RIMS2: variants seen among roughly 807,000 people sequenced by gnomAD.
RIMS2 encodes the protein regulating synaptic membrane exocytosis 2, also known as regulating synaptic membrane exocytosis protein 2.
A neutral mutation model predicts 174.4 loss-of-function variants in RIMS2; 59 were observed. The observed-to-expected ratio is 0.34, with a 90% CI of 0.27 to 0.42. The LOEUF is 0.42. Ranked by LOEUF, RIMS2 falls within the 10% of genes least tolerant of loss-of-function variation. The pLI is 1.00. For missense variants in RIMS2, 1,620 were observed against 1,666.3 expected (o/e 0.97, Z 0.48); for synonymous variants, 606 against 572.5 (o/e 1.06, Z -0.84).
chr8:103,839,204 A>G (rs1273955715), intron 3 of RIMS2, among the ~76,000 whole-genome samples: 1 of 152,202 alleles, frequency 6.6e-6, no homozygotes, highest in Non-Finnish European at 1.5e-5. Flanking sequence ...GGTCATCTGT[A>G]GGACTGTTTC....
intron 3 of RIMS2, among the ~76,000 whole-genome samples, chr8:103,781,740 T>A (rs1193069563): frequency 5.1e-5 from 1 of 19,654 alleles, no homozygotes; most frequent in Non-Finnish European, 1.0e-4. Context: ...CCCCTAATCT[T>A]TTTTTTTTTT....
intron 17 of RIMS2, among the ~76,000 whole-genome samples, chr8:103,990,762 A>G: frequency 6.6e-6 from 1 of 152,032 alleles, no homozygotes; most frequent in Non-Finnish European, 1.5e-5. Flanking sequence ...AATGGAAATG[A>G]TGAGAGAGAA....
intron 1 of RIMS2, among the ~76,000 whole-genome samples, chr8:103,679,596 T>A (rs1234018833): frequency 6.6e-6 from 1 of 151,928 alleles, no homozygotes; most frequent in Non-Finnish European, 1.5e-5. Context: ...TAAATATGAA[T>A]TGAAGAAGTT....
chr8:103,657,422 G>T (rs2096544677), intron 1 of RIMS2, among the ~76,000 whole-genome samples: 1 of 152,058 alleles, frequency 6.6e-6, no homozygotes, highest in African/African-American at 2.4e-5. Context: ...TTCTCACAAG[G>T]CACTATCCTC....
intron 1 of RIMS2, among the ~76,000 whole-genome samples, chr8:103,684,768 G>A (rs1405066969): frequency 1.3e-5 from 2 of 151,724 alleles, no homozygotes; most frequent in South Asian, 2.1e-4. Flanking sequence ...TGTGTTTTTA[G>A]TAGAGATGGG....
exon 13 of RIMS2, chr8:103,936,581 A>G: frequency 6.3e-7 from 1 of 1,594,882 alleles, no homozygotes; most frequent in Non-Finnish European, 8.5e-7. Flanking sequence ...CTAAAACAGT[A>G]AAGAAAACAT....
intron 1 of RIMS2, among the ~76,000 whole-genome samples, chr8:103,636,471 G>T (rs745404892): frequency 1.3e-5 from 2 of 151,632 alleles, no homozygotes; most frequent in Non-Finnish European, 2.9e-5. Context: ...ACTGAAGGTT[G>T]TATAGATCTG....
chr8:104,037,143 A>G (rs1447447547), intron 19 of RIMS2, among the ~76,000 whole-genome samples: 1 of 152,142 alleles, frequency 6.6e-6, no homozygotes, highest in African/African-American at 2.4e-5. Context: ...TCATCTGTAA[A>G]CTTGGTAAGC....
intron 2 of RIMS2, among the ~76,000 whole-genome samples, chr8:103,704,476 C>A (rs2097201588): frequency 6.6e-6 from 1 of 151,942 alleles, no homozygotes; most frequent in Admixed American, 6.6e-5. Flanking sequence ...TTAATACTAG[C>A]CTCATAGAAT....
intron 3 of RIMS2, among the ~76,000 whole-genome samples, chr8:103,871,749 T>G (rs1256750537): frequency 6.6e-6 from 1 of 152,156 alleles, no homozygotes; most frequent in Non-Finnish European, 1.5e-5. Flanking sequence ...ATTGCATTGA[T>G]TTTTGGGTGT....
At chr8:103,720,631 C>T (rs1250892311) in intron 2 of RIMS2, among the ~76,000 whole-genome samples, 1 of 152,124 alleles carries the variant, frequency 6.6e-6, no homozygotes, top group Non-Finnish European at 1.5e-5. Flanking sequence ...TGACGAAGAC[C>T]AGCATTCTTA....
chr8:103,833,185 G>A (rs1489236992), intron 3 of RIMS2, among the ~76,000 whole-genome samples: 1 of 152,024 alleles, frequency 6.6e-6, no homozygotes, highest in Non-Finnish European at 1.5e-5. Flanking sequence ...GTTTAAACTG[G>A]CCTTCATAGA....
At chr8:104,051,155 CT>C (rs1329813911) in intron 19 of RIMS2, among the ~76,000 whole-genome samples, 2 of 152,014 alleles carry the variant, frequency 1.3e-5, no homozygotes, top group African/African-American at 4.8e-5. Context: ...GGGAGGATGT[CT>C]TGAGCCTAGG....
chr8:103,557,764 A>AT (rs2090767699), intron 1 of RIMS2, among the ~76,000 whole-genome samples: 1 of 152,170 alleles, frequency 6.6e-6, no homozygotes, highest in Non-Finnish European at 1.5e-5. Flanking sequence ...TTATAACTAA[A>AT]TTGTAACCTT....
At chr8:103,568,688 T>C in intron 1 of RIMS2, 3 of 716,456 alleles carry the variant, frequency 4.2e-6, no homozygotes, top group Non-Finnish European at 7.6e-6. Context: ...ATGTAGCAGC[T>C]TCATGGTTTT....
intron 1 of RIMS2, among the ~76,000 whole-genome samples, chr8:103,611,100 T>C (rs1412589174): frequency 1.3e-5 from 2 of 152,184 alleles, no homozygotes; most frequent in Non-Finnish European, 2.9e-5. Flanking sequence ...GATTTTCTAG[T>C]TTGTGTGCAT....
At chr8:103,825,341 T>A (rs190160624) in intron 3 of RIMS2, among the ~76,000 whole-genome samples, 1 of 152,122 alleles carries the variant, frequency 6.6e-6, no homozygotes, top group Non-Finnish European at 1.5e-5. Context: ...TGGAGTGCAG[T>A]GGCGTGATCT....
At chr8:103,934,593 A>G (rs2080790823) in intron 12 of RIMS2, among the ~76,000 whole-genome samples, 1 of 152,162 alleles carries the variant, frequency 6.6e-6, no homozygotes, top group Admixed American at 6.5e-5. Context: ...CAATATAGAA[A>G]TCCTGTCTAA....
At chr8:103,653,311 G>C (rs2096483632) in intron 1 of RIMS2, among the ~76,000 whole-genome samples, 2 of 151,996 alleles carry the variant, frequency 1.3e-5, no homozygotes, top group African/African-American at 4.8e-5. Flanking sequence ...TCATTTTTTT[G>C]TTATTAGATT....
Sources: allele counts gnomAD v4.1 joint callset (sites outside exome capture counted in the v4.1 genomes callset), GRCh38; gene constraint gnomAD v4.1.1; transcripts MANE v1.5; gene names NCBI Gene and HGNC (gene_info 2026-07-23, HGNC 2026-07-21).